Variants in DOCK10 observed in about 807,000 individuals in gnomAD.
DOCK10 encodes dedicator of cytokinesis protein 10.
DOCK10 carries 145 observed loss-of-function variants against 280.1 expected under a neutral mutation model. The observed-to-expected ratio is 0.52, with a 90% CI of 0.45 to 0.59. The LOEUF (loss-of-function observed/expected upper bound fraction) is 0.59, where lower values mean the gene tolerates loss of function less well. Ranked by LOEUF, DOCK10 falls within the 20% of genes least tolerant of loss-of-function variation. The probability of loss-of-function intolerance (pLI) is 0.00; values close to 1 mark genes in which losing one functional copy is unlikely to be tolerated. For missense variants in DOCK10, 2,368 were observed against 2,651.7 expected (o/e 0.89, Z 2.35); for synonymous variants, 915 against 942.2 (o/e 0.97, Z 0.53).
At chr2:224,881,213 T>C (rs1698955725) in intron 7 of DOCK10, among the ~76,000 whole-genome samples, 1 of 152,226 alleles carries the variant, frequency 6.6e-6, no homozygotes, top group Admixed American at 6.5e-5. Flanking sequence ...GACTTATTGC[T>C]TGAAGTGTGT....
intron 40 of DOCK10, 137 bp downstream of exon 40, chr2:224,801,772 ACTCCCTG>A (rs999730073): frequency 1.1e-6 from 1 of 881,528 alleles, no homozygotes; most frequent in African/African-American, 1.7e-5. Flanking sequence ...TTTTTTAACC[ACTCCCTG>A]GTGAGTCTTT....
intron 1 of DOCK10, among the ~76,000 whole-genome samples, chr2:224,939,897 T>A (rs1702921266): frequency 6.6e-6 from 1 of 152,236 alleles, no homozygotes; most frequent in African/African-American, 2.4e-5. Context: ...TACTTGAAGT[T>A]GAATATGCAT....
rs1403306719 is a variant in DOCK10 at position 224,770,907 on chromosome 2, C to T, written c.6205-262G>A. On this transcript the variant is annotated intron_variant, in intron 53 of 55. Transcript: ENST00000258390. This position sits in a 1 kb window ranked among gnomAD's most constrained non-coding sequence, Gnocchi z 4.5. Reference sequence around the variant, plus strand: ...TTCACATTTTTTTTTTTTGTCATATCTGTACGTTGCTTGAACTACTATTTT... The same window carrying T: ...TTCACATTTTTTTTTTTTGTCATATTTGTACGTTGCTTGAACTACTATTTT... Among the ~76,000 whole-genome samples the T allele has an allele frequency of 6.6e-6, 1 of 151,424 alleles. No homozygotes were observed. The highest frequency in any genetic ancestry group is 1.5e-5 in the Non-Finnish European group (1 of 67,880).
Position 224,792,324 on chromosome 2 carries a change from C to T in DOCK10, c.5311+650G>A, listed in dbSNP as rs1401960948. Among the ~76,000 whole-genome samples the T allele has an allele frequency of 4.6e-5, 7 of 152,030 alleles. No individual in the cohort carries two copies. The South Asian group carries it at 1.5e-3, about 32-fold the overall frequency. On this transcript the variant is annotated intron_variant, in intron 47 of 55. Coordinates refer to ENST00000258390, the MANE Select transcript of DOCK10 (RefSeq NM_014689.3). ...TTGGAGACGGAGTCTCACTCTGTTG[C>T]CCAGGCTGGTGTACAGTGGTGCTAT...
In DOCK10 at chr2:224,773,638, CT is replaced by C. The variant is rs759735884; in HGVS notation, c.6014-292del. On this transcript the variant is annotated intron_variant, in intron 52 of 55. Coordinates refer to ENST00000258390, the MANE Select transcript of DOCK10 (RefSeq NM_014689.3). Reference sequence around the variant, plus strand: ...GAATTTTTTTCTTTTTTCTTTCTATCTTTTTTTTTTTTTGAGATGAGTCTCG... The same window carrying C: ...GAATTTTTTTCTTTTTTCTTTCTATCTTTTTTTTTTTTGAGATGAGTCTCG... Among the ~76,000 whole-genome samples the C allele has an allele frequency of 2.0e-3, 289 of 144,754 alleles. 1 individual carries two copies. Among genetic ancestry groups the C allele is most frequent in the Middle Eastern group, 0.011 (3 of 282 alleles). The allele number at this position is 144,754 out of a possible 152,430, so 95.0% of individuals were successfully genotyped here.
At chr2:225,035,551 T>TAATATATATATATATATATAATATATATA (rs370174267) in intron 1 of DOCK10, among the ~76,000 whole-genome samples, 3 of 32,414 alleles carry the variant, frequency 9.3e-5, no homozygotes, top group African/African-American at 3.4e-4. Flanking sequence ...ATTATATATA[T>TAATATATATATATATATATAATATATATA]ATATATATAT....
At chr2:224,954,700 A>C (rs1703944856) in intron 1 of DOCK10, among the ~76,000 whole-genome samples, 1 of 152,208 alleles carries the variant, frequency 6.6e-6, no homozygotes, top group African/African-American at 2.4e-5. Context: ...ATTTCTAAAC[A>C]TGTTTCATAC....
intron 28 of DOCK10, among the ~76,000 whole-genome samples, chr2:224,820,397 C>T (rs992097950): frequency 5.2e-4 from 79 of 152,334 alleles, no homozygotes; most frequent in African/African-American, 1.8e-3. Context: ...TAGTTCCCAA[C>T]GCAGGATCTG....
intron 7 of DOCK10, among the ~76,000 whole-genome samples, chr2:224,879,739 A>G (rs1698866277): frequency 6.6e-6 from 1 of 152,070 alleles, no homozygotes; most frequent in African/African-American, 2.4e-5. Flanking sequence ...AGCCTGGGTG[A>G]CAGAGCGAGT....
chr2:224,766,636 G>T (rs996037454), intron 55 of DOCK10, among the ~76,000 whole-genome samples: 1 of 152,118 alleles, frequency 6.6e-6, no homozygotes, highest in Non-Finnish European at 1.5e-5. Context: ...ACCAGATTGG[G>T]TCCATTCCTT....
rs1288886021 is a variant in DOCK10 at position 224,770,178 on chromosome 2, A to C, written c.6444+33T>G. 6.8e-7 allele frequency: 1 copy of C among 1,481,460 alleles called. No individual in the cohort carries two copies. The highest frequency in any genetic ancestry group is 1.4e-5 in the African/African-American group (1 of 71,004). 91.8% of individuals were successfully genotyped at this position (1,481,460 alleles called of 1,614,324 possible). A position where few individuals can be genotyped will look rare whatever the true frequency, so the allele number is the denominator to read the frequency against. On this transcript the variant is annotated intron_variant, in intron 55 of 55. Coordinates refer to ENST00000258390, the MANE Select transcript of DOCK10 (RefSeq NM_014689.3). This position sits in a 1 kb window ranked among gnomAD's most constrained non-coding sequence, Gnocchi z 4.5. ...TGGGAGCGAAAGGGACTTTCTGTCC[A>C]CTGATAGCGCGTGTGCACCAAGGAG...
chr2:225,011,181 G>T (rs946787502), intron 1 of DOCK10, among the ~76,000 whole-genome samples: 1 of 152,160 alleles, frequency 6.6e-6, no homozygotes, highest in Non-Finnish European at 1.5e-5. Flanking sequence ...AAGATTTCAC[G>T]CCAATGAAGA....
At chr2:224,961,467 T>TTTCTTTCTTTCTTTCTTTC (rs1704436148) in intron 1 of DOCK10, among the ~76,000 whole-genome samples, 2 of 52,086 alleles carry the variant, frequency 3.8e-5, no homozygotes, top group Non-Finnish European at 8.0e-5. Context: ...TCTTTCTTTC[T>TTTCTTTCTTTCTTTCTTTC]TTTTCTTTCT....
At chr2:224,949,797 G>T (rs763812815) in intron 1 of DOCK10, among the ~76,000 whole-genome samples, 1 of 152,184 alleles carries the variant, frequency 6.6e-6, no homozygotes, top group Non-Finnish European at 1.5e-5. Flanking sequence ...CTACCTTATA[G>T]GTTTGTGGTG....
intron 44 of DOCK10, 57 bp from the exon 45 acceptor site, chr2:224,795,151 C>A: frequency 6.7e-7 from 1 of 1,491,290 alleles, no homozygotes; most frequent in Admixed American, 1.8e-5. Flanking sequence ...GGTTAACTGA[C>A]TTTAAGTTAT....
chr2:224,888,571 G>A lies in DOCK10; in HGVS notation c.417-2040C>T, dbSNP rs527301331. Among the ~76,000 whole-genome samples the A allele has an allele frequency of 2.0e-5, 3 of 152,018 alleles. No homozygotes were observed. The East Asian group carries it at 5.8e-4, about 29-fold the overall frequency. On this transcript the variant is annotated intron_variant, in intron 4 of 55. Transcript: ENST00000258390. ...TGTATATGTGTGTTTGTCTGTGTGT[G>A]TATGTATATACGTGTGTGAATATAT...
chr2:224,928,764 G>T (rs546414702), intron 2 of DOCK10, among the ~76,000 whole-genome samples: 5 of 152,216 alleles, frequency 3.3e-5, no homozygotes, highest in Admixed American at 2.0e-4. Flanking sequence ...AATTGGAAAT[G>T]ATTCTTTGGA....
rs1011494151 is a variant in DOCK10 at position 225,042,396 on chromosome 2, C to T, written c.-22G>A. The T allele has an allele frequency of 6.6e-6, 8 of 1,210,692 alleles. No homozygotes were observed. The African/African-American group carries it at 1.3e-4, about 19-fold the overall frequency. 75.0% of individuals were successfully genotyped at this position (1,210,692 alleles called of 1,614,324 possible). Reference sequence around the variant, plus strand: ...CCATCGCCGGTCACGCCAATCGCGCCGCGGGCCCGGGGCGCGCCTCCCGCC... The same window carrying T: ...CCATCGCCGGTCACGCCAATCGCGCTGCGGGCCCGGGGCGCGCCTCCCGCC... On this transcript the variant is annotated 5_prime_UTR_variant, in exon 1 of 56. Coordinates refer to ENST00000258390, the MANE Select transcript of DOCK10 (RefSeq NM_014689.3). The surrounding 1 kb of genome is among the most constrained non-coding windows in gnomAD (Gnocchi z 5.1).
At chr2:224,857,098 A>G (rs1044934310) in intron 14 of DOCK10, 116 bp from the exon 15 acceptor site, 1 of 904,562 alleles carries the variant, frequency 1.1e-6, no homozygotes, top group Non-Finnish European at 1.5e-6. Flanking sequence ...CTAAGAACTT[A>G]TAAAATAAAA....
Sources: allele counts gnomAD v4.1 joint callset (sites outside exome capture counted in the v4.1 genomes callset), GRCh38; gene constraint gnomAD v4.1.1; non-coding constraint Gnocchi (gnomAD v3.1); transcripts MANE v1.5; gene names NCBI Gene and HGNC (gene_info 2026-07-23, HGNC 2026-07-21).